Variants in PSIP1 observed in about 807,000 individuals in gnomAD.
The protein encoded by PSIP1 is PC4 and SFRS1-interacting protein.
A neutral mutation model predicts 74.7 loss-of-function variants in PSIP1; 19 were observed. That is an observed-to-expected ratio of 0.25 (90% CI 0.18 to 0.37). The LOEUF is 0.37. PSIP1 is among the 10% of genes least tolerant of loss of function. The pLI is 1.00. For synonymous variants in PSIP1, 222 were observed against 195.3 expected, an observed-to-expected ratio of 1.14 and a Z score of -1.14; for missense variants, 601 against 614.3, an observed-to-expected ratio of 0.98 and a Z score of 0.23.
rs748185014 is a variant in PSIP1 at position 15,468,608 on chromosome 9, T to C, written c.1420+22A>G. 4 of 1,606,496 alleles carry C rather than the reference T, an allele frequency of 2.5e-6. No homozygotes were observed. The South Asian group carries it at 4.4e-5, about 18-fold the overall frequency. On this transcript the variant is annotated intron_variant, in intron 14 of 15. Transcript: ENST00000380733. ...AAATGGTTTAAAAACTGGTGTGAAA[T>C]TGTTGGCTTTTTACCACATACCTGT... is the stretch of plus-strand genomic sequence containing the variant.
chr9:15,508,511 A>G (rs1335908159), intron 2 of PSIP1, among the ~76,000 whole-genome samples: 1 of 152,246 alleles, frequency 6.6e-6, no homozygotes, highest in Non-Finnish European at 1.5e-5. Flanking sequence ...GTCACTTAAC[A>G]TATGAGCGTG....
At chr9:15,472,339 T>C (rs2035873851) in intron 10 of PSIP1, 1 of 1,158,488 alleles carries the variant, frequency 8.6e-7, no homozygotes, top group Non-Finnish European at 1.1e-6. Flanking sequence ...TACAAACAAA[T>C]GGTTGAGGAT....
chr9:15,496,991 A>G (rs543410755), intron 3 of PSIP1, among the ~76,000 whole-genome samples: 2 of 152,334 alleles, frequency 1.3e-5, no homozygotes, highest in Admixed American at 1.3e-4. Flanking sequence ...TAAACGGTGC[A>G]GCTGATTTGG....
intron 3 of PSIP1, among the ~76,000 whole-genome samples, chr9:15,501,050 T>G (rs2132209392): frequency 1.3e-5 from 2 of 152,316 alleles, no homozygotes; most frequent in Non-Finnish European, 2.9e-5. Context: ...TCATGTCATG[T>G]CTTATTTGCA....
At chr9:15,466,615 T>C in intron 15 of PSIP1, 133 bp downstream of exon 15, 4 of 637,576 alleles carry the variant, frequency 6.3e-6, no homozygotes, top group Non-Finnish European at 1.0e-5. Context: ...GAATTGTAAC[T>C]TGCTTACTGA....
chr9:15,502,909 C>CA (rs1235704212), intron 3 of PSIP1, among the ~76,000 whole-genome samples: 2 of 152,116 alleles, frequency 1.3e-5, no homozygotes, highest in African/African-American at 2.4e-5. Context: ...TAAAATCAGA[C>CA]GTCTGTAGGC....
rs533662291 is a variant in PSIP1, at chr9:15,488,988, C to T, written c.288+998G>A. ...GTGAGCCAAGATAGAGCCAATGCAC[C>T]CCAGCCTGGGCGACAGAGCGAGACT... On this transcript the variant is annotated intron_variant, in intron 4 of 15. Transcript: ENST00000380733. Among the ~76,000 whole-genome samples, 8 of 152,028 alleles carry T rather than the reference C, an allele frequency of 5.3e-5. No individual in the cohort carries two copies. In the South Asian group the frequency reaches 6.2e-4, roughly 12 times the overall value.
intron 3 of PSIP1, among the ~76,000 whole-genome samples, chr9:15,504,056 C>G (rs573990723): frequency 1.3e-5 from 2 of 152,250 alleles, no homozygotes; most frequent in African/African-American, 4.8e-5. Context: ...AAAAATTAAT[C>G]TTAAGTACAA....
At chr9:15,507,604 C>G (rs1056049739) in intron 2 of PSIP1, among the ~76,000 whole-genome samples, 3 of 152,052 alleles carry the variant, frequency 2.0e-5, no homozygotes, top group Non-Finnish European at 4.4e-5. Context: ...TGCCACTGCA[C>G]TCAAGCCTGG....
intron 3 of PSIP1, among the ~76,000 whole-genome samples, chr9:15,493,852 A>G (rs1322226803): frequency 6.6e-6 from 1 of 152,190 alleles, no homozygotes; most frequent in Non-Finnish European, 1.5e-5. Flanking sequence ...TGTGGGGATT[A>G]TTACAATTCG....
intron 3 of PSIP1, among the ~76,000 whole-genome samples, chr9:15,491,308 G>C (rs2036820363): frequency 6.6e-6 from 1 of 152,152 alleles, no homozygotes; most frequent in South Asian, 2.1e-4. Flanking sequence ...GCAATAAACA[G>C]ACTGCAAAAA....
In PSIP1 at chr9:15,510,232, A is replaced by AGGAGATGCGGCGGCGC. The variant is rs2037795678; in HGVS notation, c.-60_-45dup. 5 of 1,573,890 alleles carry AGGAGATGCGGCGGCGC rather than the reference A, an allele frequency of 3.2e-6. No homozygotes were observed. Among genetic ancestry groups the AGGAGATGCGGCGGCGC allele is most frequent in the African/African-American group, 2.8e-5 (2 of 71,600 alleles). On this transcript the variant is annotated 5_prime_UTR_variant, in exon 2 of 16. Coordinates refer to ENST00000380733, the MANE Select transcript of PSIP1 (RefSeq NM_033222.5). ...GGGGTCCGAAGCCCGGGAGGCGGCG[A>AGGAGATGCGGCGGCGC]GGAGATGCGGCGGCGCGGGGATGCG...
intron 2 of PSIP1, among the ~76,000 whole-genome samples, chr9:15,509,019 T>C (rs1412292076): frequency 6.6e-6 from 1 of 152,184 alleles, no homozygotes; most frequent in East Asian, 1.9e-4. Context: ...AGCAGCTAGA[T>C]GGAAGAAAGT....
At chr9:15,475,005 C>CCCT (rs1372177589) in intron 8 of PSIP1, among the ~76,000 whole-genome samples, 10 of 152,042 alleles carry the variant, frequency 6.6e-5, no homozygotes, top group African/African-American at 2.2e-4. Context: ...TCAGTTCAAC[C>CCCT]CCTTCCATTT....
In PSIP1 at chr9:15,510,202, G is replaced by T. The variant is rs377343668; in HGVS notation, c.-14C>A. The T allele has an allele frequency of 6.2e-7, 1 of 1,601,082 alleles. No individual in the cohort carries two copies. Among genetic ancestry groups the T allele is most frequent in the Non-Finnish European group, 8.5e-7 (1 of 1,174,554 alleles). ...ATCGCGAGTCATGTTTCGGGGGCGAGACCGGGGGTCCGAAGCCCGGGAGGC... is the reference window on the plus strand; with the variant it reads ...ATCGCGAGTCATGTTTCGGGGGCGATACCGGGGGTCCGAAGCCCGGGAGGC... On this transcript the variant is annotated 5_prime_UTR_variant, in exon 2 of 16. Coordinates refer to ENST00000380733, the MANE Select transcript of PSIP1 (RefSeq NM_033222.5).
At chr9:15,474,733 C>T (rs1234539135) in intron 8 of PSIP1, among the ~76,000 whole-genome samples, 1 of 152,158 alleles carries the variant, frequency 6.6e-6, no homozygotes, top group Non-Finnish European at 1.5e-5. Context: ...ATCCTAATTA[C>T]TGCTGCATAT....
intron 6 of PSIP1, among the ~76,000 whole-genome samples, chr9:15,483,890 G>A (rs1314508297): frequency 6.6e-6 from 1 of 152,140 alleles, no homozygotes; most frequent in Non-Finnish European, 1.5e-5. Flanking sequence ...CACTTTGGGA[G>A]GCAGAGGTGA....
intron 14 of PSIP1, chr9:15,468,357 G>A: frequency 1.5e-6 from 1 of 650,986 alleles, no homozygotes; most frequent in South Asian, 1.4e-5. Flanking sequence ...GCATTGTGAT[G>A]GATGGGTTTT....
intron 3 of PSIP1, chr9:15,505,140 T>A (rs1013521132): frequency 2.6e-5 from 4 of 152,106 alleles, no homozygotes; most frequent in Non-Finnish European, 5.9e-5. Flanking sequence ...AGTTTCACCA[T>A]GTTGCAGGCT....
Sources: gnomAD v4.1 joint callset for allele counts (sites outside exome capture counted in the v4.1 genomes callset) on GRCh38, gnomAD v4.1.1 for gene constraint, MANE v1.5 for transcripts, NCBI Gene and HGNC (gene_info 2026-07-23, HGNC 2026-07-21) for gene names.